NBEA: variants seen among roughly 807,000 people sequenced by gnomAD.
NBEA encodes neurobeachin.
Under a neutral mutation model 343.4 loss-of-function variants are expected in NBEA, and 44 were observed. The ratio of observed to expected loss-of-function variants is 0.13; its 90% CI spans 0.10 to 0.16. NBEA has a LOEUF of 0.16. NBEA is among the 10% of genes least tolerant of loss of function. The pLI, the probability that NBEA is intolerant of heterozygous loss-of-function variation, is 1.00. For synonymous variants in NBEA, 1,175 were observed against 1,238.7 expected, an observed-to-expected ratio of 0.95 and a Z score of 1.08; for missense variants, 2,555 against 3,631.3, an observed-to-expected ratio of 0.70 and a Z score of 7.62.
In NBEA at chr13:35,052,072, G is replaced by A. The variant is rs140830883; in HGVS notation, c.972+1677G>A. Among the ~76,000 whole-genome samples the A allele has an allele frequency of 6.9e-3, 1,045 of 152,104 alleles. 4 individuals are homozygous for A. The highest frequency in any genetic ancestry group is 0.01 in the Non-Finnish European group (712 of 67,906). ...CAGTGAATCTAAGGGGTCTAGTTAG[G>A]AGCAGGGCCAGAGAGTGATGTGGAT... On this transcript the variant is annotated intron_variant, in intron 6 of 58. Coordinates refer to ENST00000379939, the MANE Select transcript of NBEA (RefSeq NM_001385012.1).
intron 41 of NBEA, among the ~76,000 whole-genome samples, chr13:35,546,939 CTTGAAGG>C (rs1594939109): frequency 6.6e-6 from 1 of 151,864 alleles, no homozygotes; most frequent in Non-Finnish European, 1.5e-5. Flanking sequence ...CGTGATCAGT[CTTGAAGG>C]TAACAAGCAG....
intron 1 of NBEA, among the ~76,000 whole-genome samples, chr13:35,018,438 T>A (rs2061726256): frequency 6.6e-6 from 1 of 152,180 alleles, no homozygotes; most frequent in Non-Finnish European, 1.5e-5. Context: ...TTTGTAGTTT[T>A]GAGTATACAC....
At chr13:35,345,662 T>C (rs1185763065) in intron 36 of NBEA, among the ~76,000 whole-genome samples, 2 of 151,974 alleles carry the variant, frequency 1.3e-5, no homozygotes, top group Admixed American at 6.6e-5. Context: ...GTGCAGCAGG[T>C]AGATCAGGAA....
intron 38 of NBEA, among the ~76,000 whole-genome samples, chr13:35,363,971 A>C (rs1271421746): frequency 6.6e-6 from 1 of 151,926 alleles, no homozygotes; most frequent in African/African-American, 2.4e-5. Context: ...TGACAAATGC[A>C]GAAGGAACTG....
chr13:35,272,162 C>T (rs2034213862), intron 34 of NBEA, among the ~76,000 whole-genome samples: 1 of 152,176 alleles, frequency 6.6e-6, no homozygotes, highest in East Asian at 1.9e-4. Context: ...GATATCTCTG[C>T]AGAAACCCTA....
At chr13:35,459,491 G>GA (rs528609091) in intron 40 of NBEA, among the ~76,000 whole-genome samples, 8,007 of 141,400 alleles carry the variant, frequency 0.057, 412 homozygotes, top group African/African-American at 0.15. Flanking sequence ...GATTGTGATA[G>GA]AAAAAAAAAA....
intron 48 of NBEA, among the ~76,000 whole-genome samples, chr13:35,625,409 G>C (rs1340262466): frequency 6.6e-6 from 1 of 152,054 alleles, no homozygotes; most frequent in South Asian, 2.1e-4. Flanking sequence ...GTGAGCTCAG[G>C]AGTTTGAGAC....
At chr13:35,207,392 C>T (rs61947437) in intron 31 of NBEA, among the ~76,000 whole-genome samples, 12,566 of 151,856 alleles carry the variant, frequency 0.083, 625 homozygotes, top group African/African-American at 0.15. Flanking sequence ...CTGTCAGTTA[C>T]CAGTTTCCAA....
At chr13:35,078,819 C>G (rs545291638) in intron 10 of NBEA, among the ~76,000 whole-genome samples, 1 of 152,056 alleles carries the variant, frequency 6.6e-6, no homozygotes, top group Non-Finnish European at 1.5e-5. Context: ...GTCAAGAGAT[C>G]GAGAGCATCC....
intron 48 of NBEA, among the ~76,000 whole-genome samples, chr13:35,618,198 C>A (rs2082822559): frequency 6.6e-6 from 1 of 152,074 alleles, no homozygotes; most frequent in African/African-American, 2.4e-5. Flanking sequence ...TGGTAAAAAA[C>A]CTCCATTTCT....
chr13:35,475,979 T>C, intron 41 of NBEA: 1 of 1,614,180 alleles, frequency 6.2e-7, no homozygotes, highest in Non-Finnish European at 8.5e-7. Context: ...TTGAGAGAGC[T>C]GATGAACCGC....
chr13:35,031,585 T>C (rs991774016), intron 1 of NBEA, among the ~76,000 whole-genome samples: 2 of 151,654 alleles, frequency 1.3e-5, no homozygotes, highest in Non-Finnish European at 3.0e-5. Context: ...ATGTCTCCCA[T>C]TGTGCCTAAG....
chr13:35,147,413 A>G (rs2068502243), intron 18 of NBEA, among the ~76,000 whole-genome samples: 1 of 152,226 alleles, frequency 6.6e-6, no homozygotes, highest in Admixed American at 6.5e-5. Context: ...GAATGATCCC[A>G]GCATCCCCAT....
intron 8 of NBEA, among the ~76,000 whole-genome samples, chr13:35,061,671 A>G (rs2063471916): frequency 6.6e-6 from 1 of 151,884 alleles, no homozygotes; most frequent in East Asian, 1.9e-4. Flanking sequence ...ATATCATAAT[A>G]AAGTTCTAAC....
In NBEA at chr13:35,419,980, G is replaced by C. The variant is rs530893914; in HGVS notation, c.6180-12289G>C. 9.9e-5 allele frequency among the ~76,000 whole-genome samples: 15 copies of C among 152,120 alleles called. No individual in the cohort carries two copies. The South Asian group carries it at 2.9e-3, about 29-fold the overall frequency. On this transcript the variant is annotated intron_variant, in intron 38 of 58. Coordinates refer to ENST00000379939, the MANE Select transcript of NBEA (RefSeq NM_001385012.1). ...TATTTGTGTGTCTATCTTGCATCTC[G>C]TGACCTTGCTTAACTCAGTCCTTAG...
chr13:35,645,975 A>G, intron 50 of NBEA, 44 bp downstream of exon 50: 1 of 1,238,488 alleles, frequency 8.1e-7, no homozygotes, highest in Non-Finnish European at 1.1e-6. Flanking sequence ...TTTGGTCTTT[A>G]GCTGCATGCA....
chr13:34,989,800 T>C (rs2060686046), intron 1 of NBEA, among the ~76,000 whole-genome samples: 1 of 150,836 alleles, frequency 6.6e-6, no homozygotes. Flanking sequence ...ACAAGGCACG[T>C]CTATTTGCCT....
rs2033158541 is a variant in NBEA at position 35,260,976 on chromosome 13, C to T, written c.5776+28357C>T. Reference sequence around the variant, plus strand: ...GGCCTCAAATGACCAAATTGTTTCGCCAGTAACTCAATTATGAGAACAAAG... The same window carrying T: ...GGCCTCAAATGACCAAATTGTTTCGTCAGTAACTCAATTATGAGAACAAAG... On this transcript the variant is annotated intron_variant, in intron 34 of 58. Transcript: ENST00000379939. 2.0e-5 allele frequency among the ~76,000 whole-genome samples: 3 copies of T among 152,060 alleles called. No homozygotes were observed. The South Asian group carries it at 6.2e-4, about 32-fold the overall frequency.
intron 38 of NBEA, among the ~76,000 whole-genome samples, chr13:35,422,765 A>G (rs375769740): frequency 4.2e-4 from 64 of 152,314 alleles, no homozygotes; most frequent in Middle Eastern, 3.4e-3. Flanking sequence ...AGTCCCACCA[A>G]CGTGTAAAAG....
Sources: gnomAD v4.1 joint callset for allele counts (sites outside exome capture counted in the v4.1 genomes callset) on GRCh38, gnomAD v4.1.1 for gene constraint, MANE v1.5 for transcripts, NCBI Gene and HGNC (gene_info 2026-07-23, HGNC 2026-07-21) for gene names.